The following WDFY2 variants were observed in gnomAD, a reference collection of about 807,000 sequenced individuals.
WDFY2 encodes the protein WD repeat and FYVE domain containing 2, also known as WD repeat and FYVE domain-containing protein 2.
In WDFY2, 36 loss-of-function variants were observed where a neutral mutation model predicts 56.4. That is an observed-to-expected ratio of 0.64 (90% confidence interval 0.49 to 0.84). The LOEUF (loss-of-function observed/expected upper bound fraction) is 0.84. WDFY2 is among the 40% of genes least tolerant of loss of function. WDFY2 has a pLI of 0.00. For missense variants in WDFY2, 444 were observed against 512.2 expected (o/e 0.87, Z 1.29); for synonymous variants, 176 against 183.7 (o/e 0.96, Z 0.34).
At chr13:51,695,002 G>C (rs552660681) in intron 3 of WDFY2, among the ~76,000 whole-genome samples, 2 of 151,988 alleles carry the variant, frequency 1.3e-5, no homozygotes, top group African/African-American at 4.8e-5. Flanking sequence ...CATTCTTCAC[G>C]TAGTTCTCAA....
At chr13:51,739,917 T>G (rs572351151) in intron 7 of WDFY2, among the ~76,000 whole-genome samples, 2 of 152,330 alleles carry the variant, frequency 1.3e-5, no homozygotes, top group South Asian at 4.1e-4. Context: ...TTAATCTTTT[T>G]GCATAAAAGA....
chr13:51,692,546 A>G (rs1028639671), intron 3 of WDFY2, among the ~76,000 whole-genome samples: 1 of 152,198 alleles, frequency 6.6e-6, no homozygotes, highest in Non-Finnish European at 1.5e-5. Context: ...GATGAAGCCC[A>G]CTTGATCATG....
chr13:51,613,520 C>A (rs1954544996), intron 1 of WDFY2, among the ~76,000 whole-genome samples: 1 of 152,142 alleles, frequency 6.6e-6, no homozygotes, highest in Non-Finnish European at 1.5e-5. Flanking sequence ...CTTTGAAGAA[C>A]ATGATTTTGG....
chr13:51,758,953 C>T (rs569680159), intron 11 of WDFY2, among the ~76,000 whole-genome samples: 9 of 152,168 alleles, frequency 5.9e-5, no homozygotes, highest in South Asian at 2.1e-4. Flanking sequence ...GGAGGTGAGA[C>T]GGAGGATCAC....
intron 7 of WDFY2, among the ~76,000 whole-genome samples, chr13:51,740,457 T>C (rs1952944139): frequency 6.6e-6 from 1 of 152,246 alleles, no homozygotes; most frequent in South Asian, 2.1e-4. Context: ...GGCTCACGCC[T>C]GTAATCCCAG....
chr13:51,643,733 G>A (rs909457345), intron 1 of WDFY2, among the ~76,000 whole-genome samples: 3 of 151,826 alleles, frequency 2.0e-5, no homozygotes, highest in African/African-American at 7.3e-5. Context: ...TTCCTTGTGG[G>A]TTCTTCCTCA....
At chr13:51,599,241 G>A (rs1334095705) in intron 1 of WDFY2, 1 of 152,186 alleles carries the variant, frequency 6.6e-6, no homozygotes, top group African/African-American at 2.4e-5. Flanking sequence ...ACACCCAGAG[G>A]GATAACATTG....
intron 4 of WDFY2, among the ~76,000 whole-genome samples, chr13:51,704,354 T>C (rs1229081835): frequency 6.6e-6 from 1 of 152,240 alleles, no homozygotes; most frequent in Non-Finnish European, 1.5e-5. Context: ...ATATCATTCA[T>C]CAAATATTTA....
At chr13:51,612,952 A>G (rs909695089) in intron 1 of WDFY2, among the ~76,000 whole-genome samples, 1 of 152,044 alleles carries the variant, frequency 6.6e-6, no homozygotes, top group East Asian at 1.9e-4. Flanking sequence ...AAAATATCTG[A>G]TGCCATGTGA....
intron 10 of WDFY2, among the ~76,000 whole-genome samples, chr13:51,756,982 G>A (rs1039127906): frequency 1.3e-5 from 2 of 152,210 alleles, no homozygotes; most frequent in Non-Finnish European, 2.9e-5. Context: ...TTGGTGTGCT[G>A]TGGAGGTGTG....
At chr13:51,730,055 T>A (rs1199538595) in intron 6 of WDFY2, among the ~76,000 whole-genome samples, 1 of 152,182 alleles carries the variant, frequency 6.6e-6, no homozygotes, top group Non-Finnish European at 1.5e-5. Flanking sequence ...CTAGTCTAGG[T>A]GACTCATAGG....
chr13:51,692,437 A>C (rs556650762), intron 3 of WDFY2, among the ~76,000 whole-genome samples: 139 of 152,312 alleles, frequency 9.1e-4, no homozygotes, highest in Middle Eastern at 3.4e-3. Flanking sequence ...CCTTTTCTGC[A>C]TCTATTGAGA....
chr13:51,727,661 T>A lies in WDFY2; in HGVS notation c.486-17T>A. 3 of 1,608,822 alleles carry A rather than the reference T, an allele frequency of 1.9e-6. No individual in the cohort carries two copies. Among genetic ancestry groups the A allele is most frequent in the Non-Finnish European group, 2.5e-6 (3 of 1,177,226 alleles). ...TCATTTAATTTTGAGAAACAATCCTTAATGCTTTCATGACAGATTTGATGT... is the reference window on the plus strand; with the variant it reads ...TCATTTAATTTTGAGAAACAATCCTAAATGCTTTCATGACAGATTTGATGT... On this transcript the variant is annotated splice_polypyrimidine_tract_variant and intron_variant, in intron 5 of 11. Coordinates refer to ENST00000298125, the MANE Select transcript of WDFY2 (RefSeq NM_052950.4).
intron 3 of WDFY2, among the ~76,000 whole-genome samples, chr13:51,699,805 A>T (rs780533101): frequency 2.0e-5 from 3 of 152,208 alleles, no homozygotes; most frequent in Non-Finnish European, 4.4e-5. Context: ...AAATGTACAT[A>T]ATATTTGAGC....
At position 51,605,884 on chromosome 13, in the gene WDFY2, A is replaced by G. The variant is rs1044854646; in HGVS notation, c.137+21060A>G. 1.2e-4 allele frequency among the ~76,000 whole-genome samples: 19 copies of G among 152,308 alleles called. No homozygotes were observed. The Middle Eastern group carries it at 0.01, about 82-fold the overall frequency. On this transcript the variant is annotated intron_variant, in intron 1 of 11. Coordinates refer to ENST00000298125, the MANE Select transcript of WDFY2 (RefSeq NM_052950.4). ...AAGAGGACTTTGCCAGCATTTTATTATGATGAGTTGCTTCCAGGACAATTC... is the reference window on the plus strand; with the variant it reads ...AAGAGGACTTTGCCAGCATTTTATTGTGATGAGTTGCTTCCAGGACAATTC...
intron 1 of WDFY2, among the ~76,000 whole-genome samples, chr13:51,596,043 C>T (rs1033961242): frequency 9.2e-5 from 14 of 152,272 alleles, no homozygotes; most frequent in African/African-American, 2.9e-4. Flanking sequence ...GATTAATATT[C>T]CTGGAGTCAG....
intron 1 of WDFY2, among the ~76,000 whole-genome samples, chr13:51,600,885 T>C (rs534399306): frequency 1.4e-4 from 22 of 152,344 alleles, no homozygotes; most frequent in Middle Eastern, 3.4e-3. Context: ...TGACCTTCAT[T>C]GCTATTTTCC....
intron 1 of WDFY2, among the ~76,000 whole-genome samples, chr13:51,617,586 A>G (rs372664702): frequency 6.6e-6 from 1 of 152,106 alleles, no homozygotes; most frequent in African/African-American, 2.4e-5. Context: ...CAAGGACTCA[A>G]CTCTTGACTG....
At chr13:51,594,735 C>T (rs1377369268) in intron 1 of WDFY2, among the ~76,000 whole-genome samples, 4 of 152,166 alleles carry the variant, frequency 2.6e-5, no homozygotes, top group African/African-American at 7.2e-5. Flanking sequence ...TCTCAGTTTC[C>T]GTGTCTGCAA....
Sources: gnomAD v4.1 joint callset for allele counts (sites outside exome capture counted in the v4.1 genomes callset) on GRCh38, gnomAD v4.1.1 for gene constraint, MANE v1.5 for transcripts, NCBI Gene and HGNC (gene_info 2026-07-23, HGNC 2026-07-21) for gene names.